The following CSGALNACT1 variants were observed in gnomAD, a reference collection of about 807,000 sequenced individuals.
CSGALNACT1 encodes beta4GalNAcT-1.
A neutral mutation model predicts 51.0 loss-of-function variants in CSGALNACT1; 52 were observed. That is an observed-to-expected ratio of 1.02 (90% CI 0.82 to 1.29). CSGALNACT1 has a LOEUF of 1.29. Ranked by LOEUF, CSGALNACT1 falls within the 50% of genes most tolerant of loss-of-function variation. The pLI, the probability that CSGALNACT1 is intolerant of heterozygous loss-of-function variation, is 0.00. For missense variants in CSGALNACT1, 935 were observed against 679.2 expected (o/e 1.38, Z -4.19); for synonymous variants, 341 against 254.4 (o/e 1.34, Z -3.24).
exon 4 of CSGALNACT1, chr8:19,505,880 C>A (rs373804749): frequency 6.2e-7 from 1 of 1,601,622 alleles, no homozygotes; most frequent in Non-Finnish European, 8.5e-7. Context: ...CCCTCAAAGC[C>A]GGGGCCCCCA....
intron 2 of CSGALNACT1, among the ~76,000 whole-genome samples, chr8:19,598,862 C>T (rs1355925217): frequency 6.6e-6 from 1 of 152,176 alleles, no homozygotes; most frequent in Non-Finnish European, 1.5e-5. Flanking sequence ...GGAGACATCC[C>T]TTTATTCACT....
At chr8:19,472,655 C>T (rs555866387) in intron 4 of CSGALNACT1, among the ~76,000 whole-genome samples, 1 of 152,326 alleles carries the variant, frequency 6.6e-6, no homozygotes, top group Admixed American at 6.5e-5. Flanking sequence ...ATCAACTCGG[C>T]AATCAAAAGG....
chr8:19,497,590 C>A (rs1461164756), intron 4 of CSGALNACT1, among the ~76,000 whole-genome samples: 1 of 152,074 alleles, frequency 6.6e-6, no homozygotes, highest in Non-Finnish European at 1.5e-5. Context: ...AAGTGGACAA[C>A]AATTATATGG....
intron 1 of CSGALNACT1, among the ~76,000 whole-genome samples, chr8:19,628,921 G>C (rs1271462851): frequency 6.6e-6 from 1 of 152,162 alleles, no homozygotes; most frequent in Non-Finnish European, 1.5e-5. Flanking sequence ...CAAAGGCCTG[G>C]GAAGTGATCT....
intron 4 of CSGALNACT1, among the ~76,000 whole-genome samples, chr8:19,503,720 T>C (rs1587395397): frequency 6.6e-6 from 1 of 152,304 alleles, no homozygotes; most frequent in Middle Eastern, 3.4e-3. Context: ...GTGCTTACCA[T>C]GTGCTTATAC....
intron 1 of CSGALNACT1, among the ~76,000 whole-genome samples, chr8:19,630,090 G>A (rs189074577): frequency 7.2e-5 from 11 of 152,162 alleles, no homozygotes; most frequent in Admixed American, 3.3e-4. Context: ...ACCCATCCAG[G>A]CCAACACGGG....
chr8:19,520,425 C>T (rs1381126736), intron 3 of CSGALNACT1, among the ~76,000 whole-genome samples: 2 of 152,256 alleles, frequency 1.3e-5, no homozygotes, highest in Non-Finnish European at 2.9e-5. Flanking sequence ...GCTCCAGCCT[C>T]CCCAGGCCTA....
chr8:19,477,269 T>A (rs944425386), intron 4 of CSGALNACT1, among the ~76,000 whole-genome samples: 4 of 152,174 alleles, frequency 2.6e-5, no homozygotes, highest in African/African-American at 9.6e-5. Flanking sequence ...CCCATAGAGC[T>A]GGGCAGTGGG....
In CSGALNACT1 at chr8:19,689,412, G is replaced by A. The variant is rs543654722; in HGVS notation, c.-297+68438C>T. 2.6e-5 allele frequency among the ~76,000 whole-genome samples: 4 copies of A among 152,220 alleles called. No homozygotes were observed. In the South Asian group the frequency reaches 6.2e-4, roughly 24 times the overall value. ...AAGAGGATTCTCCAGCCCCCTGAAC[G>A]GTCCCAGCTGACACTGCATGGAACC... On this transcript the variant is annotated intron_variant, in intron 1 of 1. Transcript: ENST00000517494.
At chr8:19,678,065 C>G (rs553447469) in intron 1 of CSGALNACT1, among the ~76,000 whole-genome samples, 1 of 151,944 alleles carries the variant, frequency 6.6e-6, no homozygotes, top group African/African-American at 2.4e-5. Flanking sequence ...AGAATCGTGC[C>G]ACTGCATTCT....
intron 1 of CSGALNACT1, among the ~76,000 whole-genome samples, chr8:19,741,773 C>T (rs11993795): frequency 0.081 from 12,353 of 152,140 alleles, 1,657 homozygotes; most frequent in African/African-American, 0.28. Flanking sequence ...GGAAAAGAAA[C>T]GGCTGATCAT....
intron 5 of CSGALNACT1, among the ~76,000 whole-genome samples, chr8:19,447,703 C>T (rs926681101): frequency 6.6e-6 from 1 of 152,134 alleles, no homozygotes; most frequent in Non-Finnish European, 1.5e-5. Context: ...GGTTCTCGAC[C>T]ACTGTCTTGA....
At chr8:19,662,074 ACCCCC>A (rs1159242984) in intron 1 of CSGALNACT1, among the ~76,000 whole-genome samples, 6,377 of 35,116 alleles carry the variant, frequency 0.18, 49 homozygotes, top group Middle Eastern at 0.29. Flanking sequence ...ACCCCCCCCC[ACCCCC>A]CCCCCCCCCC....
intron 3 of CSGALNACT1, among the ~76,000 whole-genome samples, chr8:19,551,629 T>C (rs1411075005): frequency 6.6e-6 from 1 of 152,142 alleles, no homozygotes; most frequent in Non-Finnish European, 1.5e-5. Context: ...GTCTGAAGCT[T>C]TCCTAGTTCT....
At chr8:19,755,582 A>G (rs533108233) in intron 1 of CSGALNACT1, among the ~76,000 whole-genome samples, 2 of 151,820 alleles carry the variant, frequency 1.3e-5, no homozygotes, top group South Asian at 4.2e-4. Context: ...GAGGAATACT[A>G]TTGGCATTTT....
intron 3 of CSGALNACT1, among the ~76,000 whole-genome samples, chr8:19,514,934 A>C (rs1361468669): frequency 3.9e-5 from 6 of 152,178 alleles, no homozygotes; most frequent in Non-Finnish European, 5.9e-5. Context: ...TTTTTAAATA[A>C]TATTGTCTCA....
intron 1 of CSGALNACT1, among the ~76,000 whole-genome samples, chr8:19,671,556 C>T (rs148396085): frequency 6.6e-6 from 1 of 152,318 alleles, no homozygotes; most frequent in Non-Finnish European, 1.5e-5. Context: ...AAATGTTGTT[C>T]TAGGCTTCTG....
rs575817505 is a variant in CSGALNACT1 at position 19,702,876 on chromosome 8, C to T, written c.-297+54974G>A. On this transcript the variant is annotated intron_variant, in intron 1 of 1. Transcript: ENST00000517494. ...TCTCCCCTAAAGGGAATCAGTGTAG[C>T]CCAGCCCCCCACCCAGTAGCCCCCA... Among the ~76,000 whole-genome samples the T allele has an allele frequency of 5.3e-5, 8 of 152,174 alleles. No homozygotes were observed. In the South Asian group the frequency reaches 1.7e-3, roughly 32 times the overall value.
At chr8:19,707,688 C>CA (rs1226569595) in intron 1 of CSGALNACT1, among the ~76,000 whole-genome samples, 4 of 124,818 alleles carry the variant, frequency 3.2e-5, no homozygotes, top group East Asian at 3.4e-4. Context: ...TTTTAATCCA[C>CA]AAAAAAACCC....
Sources: allele counts gnomAD v4.1 joint callset (sites outside exome capture counted in the v4.1 genomes callset), GRCh38; gene constraint gnomAD v4.1.1; transcripts MANE v1.5; gene names NCBI Gene and HGNC (gene_info 2026-07-23, HGNC 2026-07-21).